HDAC9: variants seen among roughly 807,000 people sequenced by gnomAD.
HDAC9 encodes the protein MEF-2 interacting transcription repressor (MITR) protein.
HDAC9 carries 41 observed loss-of-function variants against 139.4 expected under a neutral mutation model. That is an observed-to-expected ratio of 0.29 (90% CI 0.23 to 0.38). HDAC9 has a LOEUF of 0.38. Among genes scored for constraint, HDAC9 ranks in the 10% least tolerant of loss-of-function variants. The probability of loss-of-function intolerance (pLI) is 1.00; values close to 1 mark genes in which losing one functional copy is unlikely to be tolerated. For synonymous variants in HDAC9, 517 were observed against 476.2 expected (o/e 1.09, Z -1.12); for missense variants, 1,147 against 1,297.0 (o/e 0.88, Z 1.78).
chr7:18,272,983 TCTC>T (rs1181014994), intron 2 of HDAC9, among the ~76,000 whole-genome samples: 21 of 146,188 alleles, frequency 1.4e-4, no homozygotes, highest in South Asian at 2.1e-4. Context: ...TCCTCCTCTT[TCTC>T]CTCCTCCTCC....
chr7:18,486,643 A>G (rs1795995249), intron 1 of HDAC9, among the ~76,000 whole-genome samples: 1 of 152,144 alleles, frequency 6.6e-6, no homozygotes, highest in Non-Finnish European at 1.5e-5. Flanking sequence ...AGAAATGGAA[A>G]TGTTTTAAGT....
intron 12 of HDAC9, among the ~76,000 whole-genome samples, chr7:18,692,457 G>A (rs1782739830): frequency 6.6e-6 from 1 of 152,028 alleles, no homozygotes; most frequent in Non-Finnish European, 1.5e-5. Context: ...TAGGACATAG[G>A]TAATAAGCTT....
At chr7:18,357,085 A>C (rs571648068) in intron 1 of HDAC9, among the ~76,000 whole-genome samples, 135 of 152,252 alleles carry the variant, frequency 8.9e-4, no homozygotes, top group African/African-American at 3.1e-3. Flanking sequence ...GAATTTTAAA[A>C]ATACCTGGAA....
intron 16 of HDAC9, among the ~76,000 whole-genome samples, chr7:18,793,001 G>T (rs1393721320): frequency 6.6e-6 from 1 of 152,110 alleles, no homozygotes; most frequent in African/African-American, 2.4e-5. Context: ...CTGGTTTCTA[G>T]CAGGCCTGTA....
At chr7:18,087,532 G>C (rs1170402412) in intron 1 of HDAC9, among the ~76,000 whole-genome samples, 1 of 152,186 alleles carries the variant, frequency 6.6e-6, no homozygotes, top group Non-Finnish European at 1.5e-5. Flanking sequence ...TTATGTTGGA[G>C]CCGAGCTATG....
chr7:18,117,813 G>C (rs914660697), intron 1 of HDAC9, among the ~76,000 whole-genome samples: 1 of 152,168 alleles, frequency 6.6e-6, no homozygotes, highest in Non-Finnish European at 1.5e-5. Flanking sequence ...ACTTTGTTAC[G>C]GCAGCCCTAG....
At chr7:18,797,421 C>G (rs1046246472) in intron 17 of HDAC9, among the ~76,000 whole-genome samples, 2 of 152,078 alleles carry the variant, frequency 1.3e-5, no homozygotes, top group Non-Finnish European at 2.9e-5. Flanking sequence ...AATAAATACC[C>G]ACGAACTCCT....
chr7:18,914,027 A>G (rs961236062), intron 22 of HDAC9, among the ~76,000 whole-genome samples: 6 of 152,014 alleles, frequency 3.9e-5, no homozygotes, highest in Non-Finnish European at 7.4e-5. Flanking sequence ...GTTAGGAGGT[A>G]GGGCTTTTGA....
chr7:18,792,270 A>ATTTT (rs1562944970), intron 16 of HDAC9, among the ~76,000 whole-genome samples: 2 of 146,408 alleles, frequency 1.4e-5, no homozygotes, highest in African/African-American at 5.2e-5. Flanking sequence ...TTTTTTTTAA[A>ATTTT]AAAAAAAAAA....
rs914027845 is a variant in HDAC9, at chr7:18,408,838, C to T, written c.-41-87424C>T. 3.9e-5 allele frequency among the ~76,000 whole-genome samples: 6 copies of T among 152,194 alleles called. No individual in the cohort carries two copies. In the South Asian group the frequency reaches 6.2e-4, roughly 16 times the overall value. On this transcript the variant is annotated intron_variant, in intron 1 of 3. Coordinates refer to the HDAC9 transcript ENST00000413509. ...GTATGTAATAATTTCTAATGCAGCT[C>T]CTTGGTAAAAAGAATGCAACAAATG...
chr7:18,567,843 C>A (rs1232481283), intron 2 of HDAC9, among the ~76,000 whole-genome samples: 1 of 151,732 alleles, frequency 6.6e-6, no homozygotes, highest in Admixed American at 6.6e-5. Flanking sequence ...TTCTTTAAAA[C>A]CTCAAGGTTT....
chr7:18,189,518 A>T (rs921729787), intron 2 of HDAC9, among the ~76,000 whole-genome samples: 4 of 152,166 alleles, frequency 2.6e-5, no homozygotes, highest in Non-Finnish European at 5.9e-5. Context: ...CGTGGGGCTT[A>T]TTAGTATGTG....
At chr7:18,266,110 G>A (rs1795979897) in intron 2 of HDAC9, among the ~76,000 whole-genome samples, 1 of 152,064 alleles carries the variant, frequency 6.6e-6, no homozygotes, top group Non-Finnish European at 1.5e-5. Flanking sequence ...GAAAAAATGT[G>A]TGTCACTAAA....
At chr7:18,925,229 C>T (rs557742088) in intron 22 of HDAC9, among the ~76,000 whole-genome samples, 1 of 152,238 alleles carries the variant, frequency 6.6e-6, no homozygotes, top group African/African-American at 2.4e-5. Flanking sequence ...AGAAGAGTGG[C>T]TTGGATGACA....
chr7:18,548,598 G>A (rs549108896), intron 2 of HDAC9, among the ~76,000 whole-genome samples: 24 of 152,160 alleles, frequency 1.6e-4, no homozygotes, highest in Middle Eastern at 3.4e-3. Context: ...CCTTCACTAT[G>A]TAAAAAAAGC....
At chr7:18,182,109 G>T (rs948048578) in intron 2 of HDAC9, among the ~76,000 whole-genome samples, 1 of 152,168 alleles carries the variant, frequency 6.6e-6, no homozygotes, top group East Asian at 1.9e-4. Flanking sequence ...CAGGAGCCAA[G>T]ATCTAGGCAC....
At chr7:18,936,158 G>T (rs773796972) in intron 23 of HDAC9, among the ~76,000 whole-genome samples, 3 of 152,064 alleles carry the variant, frequency 2.0e-5, no homozygotes, top group Non-Finnish European at 4.4e-5. Context: ...CTTCAATCAG[G>T]TTAGCCATGG....
intron 20 of HDAC9, 55 bp downstream of exon 20, chr7:18,835,641 A>G (rs1370176288): frequency 6.3e-7 from 1 of 1,598,326 alleles, no homozygotes; most frequent in South Asian, 1.1e-5. Context: ...AGGTAATTGC[A>G]TTGCATGATT....
At chr7:18,982,262 T>C (rs982842270) in intron 25 of HDAC9, among the ~76,000 whole-genome samples, 15 of 152,282 alleles carry the variant, frequency 9.9e-5, no homozygotes, top group African/African-American at 3.4e-4. Context: ...TTCTAATCCA[T>C]TTTATACACC....
Sources: allele counts gnomAD v4.1 joint callset (sites outside exome capture counted in the v4.1 genomes callset), GRCh38; gene constraint gnomAD v4.1.1; transcripts MANE v1.5; gene names NCBI Gene and HGNC (gene_info 2026-07-23, HGNC 2026-07-21).